Variants in ZNF761 observed in about 807,000 individuals in gnomAD.
ZNF761 encodes zinc finger protein 761.
ZNF761 carries 43 observed loss-of-function variants against 59.9 expected under a neutral mutation model. The ratio of observed to expected loss-of-function variants is 0.72; its 90% confidence interval spans 0.56 to 0.92. The LOEUF is 0.92. Among genes scored for constraint, ZNF761 ranks in the 40% least tolerant of loss-of-function variants. The probability of loss-of-function intolerance (pLI) is 0.00; values close to 1 mark genes in which losing one functional copy is unlikely to be tolerated. For synonymous variants in ZNF761, 294 were observed against 304.8 expected, an observed-to-expected ratio of 0.96 and a Z score of 0.37; for missense variants, 850 against 906.1, an observed-to-expected ratio of 0.94 and a Z score of 0.79.
At chr19:53,450,735 G>A (rs1024065560) in intron 4 of ZNF761, among the ~76,000 whole-genome samples, 9 of 152,074 alleles carry the variant, frequency 5.9e-5, no homozygotes, top group East Asian at 5.8e-4. Context: ...AGTGGCTCAC[G>A]CCTGTAATCC....
intron 3 of ZNF761, among the ~76,000 whole-genome samples, chr19:53,448,293 A>G (rs922883318): frequency 6.6e-6 from 1 of 152,246 alleles, no homozygotes; most frequent in Non-Finnish European, 1.5e-5. Context: ...GTGAGGCACC[A>G]TGCCCAGCCC....
At chr19:53,439,775 A>G (rs939023223) in intron 1 of ZNF761, among the ~76,000 whole-genome samples, 1 of 152,116 alleles carries the variant, frequency 6.6e-6, no homozygotes, top group Admixed American at 6.6e-5. Flanking sequence ...TTCTAAGGCG[A>G]CTGGCATTGG....
At chr19:53,450,770 G>A (rs1454382275) in intron 4 of ZNF761, among the ~76,000 whole-genome samples, 1 of 152,128 alleles carries the variant, frequency 6.6e-6, no homozygotes, top group Non-Finnish European at 1.5e-5. Flanking sequence ...GCTGAGGCAG[G>A]CAAATCACCT....
At chr19:53,435,642 ATAATAAG>A (rs2086033730) in intron 1 of ZNF761, among the ~76,000 whole-genome samples, 1 of 151,956 alleles carries the variant, frequency 6.6e-6, no homozygotes, top group African/African-American at 2.4e-5. Context: ...TTGTACACTC[ATAATAAG>A]TATGGTGCAG....
At chr19:53,440,148 C>CT (rs981594456) in intron 1 of ZNF761, among the ~76,000 whole-genome samples, 3 of 127,366 alleles carry the variant, frequency 2.4e-5, no homozygotes, top group African/African-American at 9.0e-5. Context: ...GAGACCCCCC[C>CT]GTCTTGGCCA....
chr19:53,432,615 C>A (rs2085984185), intron 1 of ZNF761, among the ~76,000 whole-genome samples: 5 of 152,106 alleles, frequency 3.3e-5, no homozygotes, highest in Admixed American at 3.3e-4. Context: ...AAATGCGCTC[C>A]CCCGGGATGC....
At chr19:53,454,438 G>A (rs12981607) in intron 4 of ZNF761, among the ~76,000 whole-genome samples, 37,448 of 152,058 alleles carry the variant, frequency 0.25, 5,577 homozygotes, top group Admixed American at 0.37. Context: ...GTTTTGTCAC[G>A]ATCTTGGAAA....
At chr19:53,451,763 T>C (rs532206692) in intron 4 of ZNF761, among the ~76,000 whole-genome samples, 1 of 151,152 alleles carries the variant, frequency 6.6e-6, no homozygotes, top group Admixed American at 6.6e-5. Context: ...TTTTTTTTTT[T>C]TTTTTTTTAG....
In ZNF761 at chr19:53,456,209, C is replaced by G; in HGVS notation, c.1702C>G (p.His568Asp). Reference sequence around the variant, plus strand: ...CAATCAGCAGTTAACCCTTAAACGCCATCGTAGACTTCATAGTGGAGAGAA... The same window carrying G: ...CAATCAGCAGTTAACCCTTAAACGCGATCGTAGACTTCATAGTGGAGAGAA... ...TFNQQLTLKR[H>D]RRLHSGENPY... Residue 568 changes from histidine (H) to aspartate (D), a missense_variant, in exon 5 of 5, where the codon CAT becomes GAT. By Grantham distance (81) the His-to-Asp change is moderately conservative. Transcript: ENST00000684525. 1 of 1,613,854 alleles carries G rather than the reference C, an allele frequency of 6.2e-7. No individual in the cohort carries two copies.
intron 1 of ZNF761, among the ~76,000 whole-genome samples, chr19:53,436,973 C>G (rs747941372): frequency 6.6e-6 from 1 of 152,164 alleles, no homozygotes; most frequent in African/African-American, 2.4e-5. Flanking sequence ...ACAGGTTAAT[C>G]ATTGTTCACA....
chr19:53,451,027 A>C (rs1195568046), intron 4 of ZNF761, among the ~76,000 whole-genome samples: 1 of 151,822 alleles, frequency 6.6e-6, no homozygotes, highest in Non-Finnish European at 1.5e-5. Flanking sequence ...ACCTGCAAAA[A>C]CTATTTCTCC....
At chr19:53,450,367 A>C (rs2086210547) in intron 4 of ZNF761, 23 of 152,296 alleles carry the variant, frequency 1.5e-4, no homozygotes, top group Admixed American at 1.5e-3. Flanking sequence ...TGAGTCTATG[A>C]GTTTCTTGTA....
chr19:53,451,741 C>T lies in ZNF761; in HGVS notation c.142+2103C>T, dbSNP rs370583124. Among the ~76,000 whole-genome samples, 483 of 150,368 alleles carry T rather than the reference C, an allele frequency of 3.2e-3. 2 individuals carry two copies. Among genetic ancestry groups the T allele is most frequent in the Middle Eastern group, 6.8e-3 (2 of 294 alleles). ...GGGACTACAGGCACATGCCACCACA[C>T]CCGGCTAATTTTTTTTTTTTTTTTT... On this transcript the variant is annotated intron_variant, in intron 4 of 4. Transcript: ENST00000684525.
At position 53,449,636 on chromosome 19, in the gene ZNF761, T is replaced by C; in HGVS notation, c.140T>C (p.Leu47Pro). Residue 47 changes from leucine to proline, a missense_variant and splice_region_variant, in exon 4 of 5, where the codon CTG becomes CCG. Leu to Pro is a moderately conservative substitution (Grantham distance 98, BLOSUM62 -3). Coordinates refer to ENST00000684525, the MANE Select transcript of ZNF761 (RefSeq NM_001289951.2). ...MLENYRNLVS[L>P]DISSKCTMKE... ...GAGAATTATAGGAACCTGGTCTCCC[T>C]GGGTGAGGATAACTTCCCTCCAGAA... is the stretch of plus-strand genomic sequence containing the variant. 1 of 1,605,354 alleles carries C rather than the reference T, an allele frequency of 6.2e-7. No individual in the cohort carries two copies. The highest frequency in any genetic ancestry group is 1.4e-5 in the African/African-American group (1 of 74,062).
chr19:53,433,174 C>T (rs1174438699), intron 1 of ZNF761, among the ~76,000 whole-genome samples: 3 of 152,200 alleles, frequency 2.0e-5, no homozygotes, highest in African/African-American at 7.2e-5. Context: ...AAGATACGCA[C>T]CGGCTCAGTG....
chr19:53,446,755 C>T (rs1181356681), intron 2 of ZNF761, among the ~76,000 whole-genome samples: 2 of 152,130 alleles, frequency 1.3e-5, no homozygotes, highest in African/African-American at 2.4e-5. Context: ...GTGATCTTCA[C>T]ACCTCAGACT....
intron 4 of ZNF761, among the ~76,000 whole-genome samples, chr19:53,452,812 C>T (rs886245504): frequency 6.6e-6 from 1 of 152,242 alleles, no homozygotes; most frequent in Non-Finnish European, 1.5e-5. Context: ...AGTCAACACC[C>T]GTGACCAAAT....
chr19:53,451,635 T>A (rs1237635116), intron 4 of ZNF761, among the ~76,000 whole-genome samples: 1 of 151,822 alleles, frequency 6.6e-6, no homozygotes. Flanking sequence ...CAGGCTGGAG[T>A]GCGGTGGTGC....
Position 53,454,740 on chromosome 19 carries a change from A to G in ZNF761, c.233A>G (p.Glu78Gly). 1 of 1,614,190 alleles carries G rather than the reference A, an allele frequency of 6.2e-7. No homozygotes were observed. The highest frequency in any genetic ancestry group is 8.5e-7 in the Non-Finnish European group (1 of 1,180,024). ...VFHAGTLQIH[E>G]SHHNGDFCYQ... ...CATGCAGGGACATTGCAAATACATG[A>G]AAGTCATCACAATGGAGATTTTTGC... Residue 78 changes from glutamate to glycine, a missense_variant, in exon 5 of 5, where the codon GAA (glutamate) becomes GGA (glycine). Coordinates refer to ENST00000684525, the MANE Select transcript of ZNF761 (RefSeq NM_001289951.2).
Sources: allele counts gnomAD v4.1 joint callset (sites outside exome capture counted in the v4.1 genomes callset), GRCh38; gene constraint gnomAD v4.1.1; transcripts MANE v1.5; gene names NCBI Gene and HGNC (gene_info 2026-07-23, HGNC 2026-07-21).